Variants in ABCB7 observed in about 807,000 individuals in gnomAD.
ABCB7 encodes the protein ATP binding cassette subfamily B member 7.
In ABCB7, 7 loss-of-function variants were observed where a neutral mutation model predicts 54.4. The ratio of observed to expected loss-of-function variants is 0.13; its 90% CI spans 0.07 to 0.24. ABCB7 has a LOEUF of 0.24. Among genes scored for constraint, ABCB7 ranks in the 10% least tolerant of loss-of-function variants. The probability of loss-of-function intolerance (pLI) is 1.00; values close to 1 mark genes in which losing one functional copy is unlikely to be tolerated. For missense variants in ABCB7, 356 were observed against 570.4 expected, an observed-to-expected ratio of 0.62 and a Z score of 3.83; for synonymous variants, 218 against 207.1, an observed-to-expected ratio of 1.05 and a Z score of -0.45.
intron 8 of ABCB7, 100 bp downstream of exon 8, chrX:75,073,589 C>G: frequency 1.5e-6 from 1 of 663,533 alleles, no homozygotes; most frequent in Non-Finnish European, 2.5e-6. Context: ...AGATCATATC[C>G]TAACCTGAAG....
chrX:75,135,204 T>C (rs2082001363), intron 1 of ABCB7, among the ~76,000 whole-genome samples: 1 of 108,371 alleles, frequency 9.2e-6, no homozygotes, highest in Non-Finnish European at 1.9e-5. Flanking sequence ...GACACCTCTA[T>C]GCACACGAAC....
chrX:75,068,152 G>C (rs1328928402), intron 12 of ABCB7, among the ~76,000 whole-genome samples: 1 of 110,725 alleles, frequency 9.0e-6, no homozygotes, highest in East Asian at 2.8e-4. Context: ...GTGAAAAAGA[G>C]GACAGGGGAG....
intron 3 of ABCB7, among the ~76,000 whole-genome samples, chrX:75,104,047 G>GTTTTTTTGTTTTTTTTT (rs2081663659): frequency 2.2e-3 from 30 of 13,450 alleles, no homozygotes; most frequent in Admixed American, 4.0e-3. Flanking sequence ...TCTTGTTACA[G>GTTTTTTTGTTTTTTTTT]TTTTTTTTTT....
chrX:75,129,808 T>C (rs2081962466), intron 1 of ABCB7, among the ~76,000 whole-genome samples: 1 of 110,491 alleles, frequency 9.1e-6, no homozygotes, highest in African/African-American at 3.3e-5. Flanking sequence ...TATACAACAA[T>C]GCAAATTAGT....
At chrX:75,088,119 G>T (rs2081514144) in intron 4 of ABCB7, among the ~76,000 whole-genome samples, 1 of 112,000 alleles carries the variant, frequency 8.9e-6, no homozygotes, top group Non-Finnish European at 1.9e-5. Flanking sequence ...CCTAAAATTT[G>T]TCTAGCCCCC....
rs777100195 is a variant in ABCB7 at position 75,112,970 on chromosome X, A to G, written c.249T>C (p.Ala83=). 2.7e-5 allele frequency: 33 copies of G among 1,200,584 alleles called. No individual in the cohort carries two copies. Among genetic ancestry groups the G allele is most frequent in the African/African-American group, 1.8e-5 (1 of 56,742 alleles). The change falls in exon 3 of 16, where the codon GCT becomes GCC. Residue 83 remains alanine (A), a splice_region_variant and synonymous_variant. Coordinates refer to ENST00000373394, the MANE Select transcript of ABCB7 (RefSeq NM_001271696.3). ...NSGQFLDAAK[A]LQVWPLIEKR... is the part of the protein sequence containing the mutation. ...TTTCTATCAGTGGCCATACCTGGAG[A>G]GCCTAATTGAAGATGATACCAAGCA...
At chrX:75,071,092 T>C (rs890994886) in intron 9 of ABCB7, among the ~76,000 whole-genome samples, 1 of 110,146 alleles carries the variant, frequency 9.1e-6, no homozygotes, top group Non-Finnish European at 1.9e-5. Context: ...ACATTTACTT[T>C]TGAAGTGTTT....
At chrX:75,114,992 G>A (rs995249671) in intron 1 of ABCB7, among the ~76,000 whole-genome samples, 161 bp from the exon 2 acceptor site, 2 of 110,980 alleles carry the variant, frequency 1.8e-5, no homozygotes, top group African/African-American at 3.3e-5. Context: ...AAAATAGGCC[G>A]GGCCTGGTGG....
intron 4 of ABCB7, among the ~76,000 whole-genome samples, chrX:75,084,996 C>T (rs1328179629): frequency 1.8e-5 from 2 of 112,123 alleles, no homozygotes; most frequent in East Asian, 5.6e-4. Context: ...TCATATACTG[C>T]TGTGGGAATA....
chrX:75,057,970 G>A (rs942637873), intron 15 of ABCB7, among the ~76,000 whole-genome samples: 2 of 110,374 alleles, frequency 1.8e-5, no homozygotes, highest in African/African-American at 3.3e-5. Context: ...TGTGCCTGGT[G>A]GTCTGCTTGT....
At chrX:75,072,479 C>G (rs188719600) in intron 8 of ABCB7, among the ~76,000 whole-genome samples, 52 of 111,604 alleles carry the variant, frequency 4.7e-4, no homozygotes, top group African/African-American at 1.7e-3. Flanking sequence ...CTGTATAGCA[C>G]GTTACTATAT....
At chrX:75,100,513 C>T (rs1348788728) in intron 3 of ABCB7, among the ~76,000 whole-genome samples, 2 of 109,982 alleles carry the variant, frequency 1.8e-5, no homozygotes, top group African/African-American at 3.3e-5. Context: ...TCTACTCTGT[C>T]TGGAATAATC....
At chrX:75,102,388 CCTCTAT>C (rs1274659402) in intron 3 of ABCB7, among the ~76,000 whole-genome samples, 1 of 111,354 alleles carries the variant, frequency 9.0e-6, no homozygotes, top group Non-Finnish European at 1.9e-5. Context: ...CTATTCTCTA[CCTCTAT>C]AAGATCAACT....
At chrX:75,054,003 A>T (rs1311190947) in intron 15 of ABCB7, among the ~76,000 whole-genome samples, 6 of 112,260 alleles carry the variant, frequency 5.3e-5, no homozygotes, top group Non-Finnish European at 1.1e-4. Flanking sequence ...CCTTATGTGT[A>T]CTTTGAAATA....
chrX:75,092,410 AT>A (rs2081551118), intron 4 of ABCB7, among the ~76,000 whole-genome samples: 1 of 111,590 alleles, frequency 9.0e-6, no homozygotes. Flanking sequence ...GACCTTACAT[AT>A]TTCATAAAAA....
At chrX:75,055,929 C>T (rs1188100609) in intron 15 of ABCB7, among the ~76,000 whole-genome samples, 1 of 110,216 alleles carries the variant, frequency 9.1e-6, no homozygotes, top group Non-Finnish European at 1.9e-5. Context: ...TCAGGTAATC[C>T]TCCCACCTCT....
intron 3 of ABCB7, among the ~76,000 whole-genome samples, chrX:75,106,791 C>T (rs1270940610): frequency 9.0e-6 from 1 of 111,483 alleles, no homozygotes; most frequent in African/African-American, 3.3e-5. Context: ...TATAGAGTAT[C>T]ATCAAGGGAT....
intron 8 of ABCB7, among the ~76,000 whole-genome samples, chrX:75,073,326 G>T (rs1274358979): frequency 8.9e-6 from 1 of 111,773 alleles, no homozygotes; most frequent in Non-Finnish European, 1.9e-5. Flanking sequence ...GAGTAATAGA[G>T]TAATGAATTG....
At chrX:75,131,765 A>G (rs1412098808) in intron 1 of ABCB7, among the ~76,000 whole-genome samples, 1 of 111,420 alleles carries the variant, frequency 9.0e-6, no homozygotes, top group East Asian at 2.8e-4. Context: ...CCCTGCCCCT[A>G]CTACTCCTCA....
Sources: allele counts gnomAD v4.1 joint callset (sites outside exome capture counted in the v4.1 genomes callset), GRCh38; gene constraint gnomAD v4.1.1; transcripts MANE v1.5; gene names NCBI Gene and HGNC (gene_info 2026-07-23, HGNC 2026-07-21).